Variants in ECT2 observed in about 807,000 individuals in gnomAD.
The protein encoded by ECT2 is protein ECT2.
ECT2 carries 61 observed loss-of-function variants against 116.9 expected under a neutral mutation model. The ratio of observed to expected loss-of-function variants is 0.52; its 90% CI spans 0.42 to 0.65. ECT2 has a LOEUF of 0.65. Ranked by LOEUF, ECT2 falls within the 30% of genes least tolerant of loss-of-function variation. ECT2 has a pLI of 0.00. For missense variants in ECT2, 937 were observed against 1,078.7 expected (o/e 0.87, Z 1.84); for synonymous variants, 358 against 346.4 (o/e 1.03, Z -0.37).
chr3:172,773,141 C>A (rs527369886), intron 13 of ECT2, among the ~76,000 whole-genome samples: 5 of 152,108 alleles, frequency 3.3e-5, no homozygotes, highest in Non-Finnish European at 7.4e-5. Context: ...GACATTCTTA[C>A]TGTGTTGATT....
At chr3:172,789,576 C>T (rs1186910073) in intron 18 of ECT2, among the ~76,000 whole-genome samples, 3 of 152,180 alleles carry the variant, frequency 2.0e-5, no homozygotes, top group Non-Finnish European at 4.4e-5. Context: ...AATGATTTCT[C>T]TGTAGCATGC....
intron 22 of ECT2, among the ~76,000 whole-genome samples, chr3:172,810,233 T>C (rs189908907): frequency 8.5e-5 from 13 of 152,288 alleles, no homozygotes; most frequent in Admixed American, 2.0e-4. Flanking sequence ...GATAATTAAA[T>C]GCCATGTGCT....
chr3:172,810,628 G>A (rs1728601534), intron 22 of ECT2, among the ~76,000 whole-genome samples: 2 of 152,246 alleles, frequency 1.3e-5, no homozygotes, highest in South Asian at 4.2e-4. Flanking sequence ...CTGAGGCACA[G>A]GCTAAAGGGA....
Position 172,820,283 on chromosome 3 carries a change from A to G in ECT2, c.*46A>G. On this transcript the variant is annotated 3_prime_UTR_variant, in exon 25 of 25. Coordinates refer to ENST00000392692, the MANE Select transcript of ECT2 (RefSeq NM_001258315.2). Reference sequence around the variant, plus strand: ...TTATAGAAATGTATAGACACCTCATACTCAAATAAGAAACTGACTTAAATG... The same window carrying G: ...TTATAGAAATGTATAGACACCTCATGCTCAAATAAGAAACTGACTTAAATG... 1 of 1,383,954 alleles carries G rather than the reference A, an allele frequency of 7.2e-7. No individual in the cohort carries two copies. The allele number at this position is 1,383,954 out of a possible 1,614,324, so 85.7% of individuals were successfully genotyped here. A position where few individuals can be genotyped will look rare whatever the true frequency, so the allele number is the denominator to read the frequency against.
Position 172,759,107 on chromosome 3 carries a change from C to T in ECT2, c.576+38C>T, listed in dbSNP as rs116639883. On this transcript the variant is annotated intron_variant, in intron 6 of 24. Coordinates refer to ENST00000392692, the MANE Select transcript of ECT2 (RefSeq NM_001258315.2). The stretch of plus-strand genomic sequence containing the variant: ...AAACAAATTCAAAGCGTATTTTTTA[C>T]AGCAAAATAAATTAAAATTGGCTTT... The T allele has an allele frequency of 1.4e-3, 1,980 of 1,411,270 alleles. 20 individuals are homozygous for T. In the African/African-American group the frequency reaches 0.025, roughly 18 times the overall value. The allele number at this position is 1,411,270 out of a possible 1,614,324, so 87.4% of individuals were successfully genotyped here.
intron 18 of ECT2, among the ~76,000 whole-genome samples, chr3:172,796,908 C>T (rs1200055928): frequency 1.3e-5 from 2 of 152,178 alleles, no homozygotes; most frequent in African/African-American, 4.8e-5. Context: ...ATCCTCTCAC[C>T]TCAGCCTCCC....
chr3:172,792,455 T>G (rs1724856615), intron 18 of ECT2, among the ~76,000 whole-genome samples: 1 of 151,746 alleles, frequency 6.6e-6, no homozygotes, highest in Non-Finnish European at 1.5e-5. Flanking sequence ...ATCTGGCTTT[T>G]TTTTTTTTTT....
At chr3:172,760,881 C>T (rs771438870) in intron 7 of ECT2, among the ~76,000 whole-genome samples, 3 of 151,534 alleles carry the variant, frequency 2.0e-5, no homozygotes, top group East Asian at 1.9e-4. Context: ...CCACCATGCC[C>T]GGCTAATTTT....
Position 172,755,591 on chromosome 3 carries a change from T to C in ECT2, c.303+16T>C. On this transcript the variant is annotated intron_variant, in intron 4 of 24. Transcript: ENST00000392692. ...TATTAATATGGTAGGTCAAAGTAAC[T>C]CATTGCATGTGGCATGCTGCACTTC... 1 of 1,281,802 alleles carries C rather than the reference T, an allele frequency of 7.8e-7. No individual in the cohort carries two copies. Among genetic ancestry groups the C allele is most frequent in the Non-Finnish European group, 1.1e-6 (1 of 938,978 alleles). 79.4% of individuals were successfully genotyped at this position (1,281,802 alleles called of 1,614,324 possible). A position where few individuals can be genotyped will look rare whatever the true frequency, so the allele number is the denominator to read the frequency against.
Position 172,776,206 on chromosome 3 carries a change from T to A in ECT2, c.1548+2184T>A, listed in dbSNP as rs1259676585. Among the ~76,000 whole-genome samples the A allele has an allele frequency of 4.7e-5, 6 of 128,692 alleles. No individual in the cohort carries two copies. The East Asian group carries it at 9.9e-4, about 21-fold the overall frequency. The allele number at this position is 128,692 out of a possible 152,430, so 84.4% of individuals were successfully genotyped here. On this transcript the variant is annotated intron_variant, in intron 14 of 24. Coordinates refer to ENST00000392692, the MANE Select transcript of ECT2 (RefSeq NM_001258315.2). ...TAGTTTTTCAGTTTTTTCTTTTTTTTTTTTTTTTTTTTTTTGTCATCTAGG... is the reference window on the plus strand; with the variant it reads ...TAGTTTTTCAGTTTTTTCTTTTTTTATTTTTTTTTTTTTTTGTCATCTAGG...
At chr3:172,798,134 G>A (rs1052285795) in intron 18 of ECT2, among the ~76,000 whole-genome samples, 2 of 152,100 alleles carry the variant, frequency 1.3e-5, no homozygotes, top group African/African-American at 2.4e-5. Context: ...GATAAGTTGT[G>A]TAAAAGACAT....
chr3:172,829,019 G>C, the ECT2 span: 5 of 880,696 alleles, frequency 5.7e-6, no homozygotes, highest in African/African-American at 1.6e-5. Context: ...TGGAACTCCT[G>C]TCTGGCCACC....
At chr3:172,765,453 A>G (rs565972243) in intron 12 of ECT2, among the ~76,000 whole-genome samples, 1 of 152,222 alleles carries the variant, frequency 6.6e-6, no homozygotes, top group East Asian at 1.9e-4. Context: ...CTGTCAAGCT[A>G]CCTACTTTGT....
chr3:172,770,412 T>G (rs1720391199), intron 13 of ECT2, among the ~76,000 whole-genome samples: 1 of 152,238 alleles, frequency 6.6e-6, no homozygotes, highest in African/African-American at 2.4e-5. Flanking sequence ...ATTATTAGAC[T>G]GGAGAAAGTT....
At chr3:172,800,811 G>T (rs1043118518) in intron 18 of ECT2, among the ~76,000 whole-genome samples, 2 of 152,046 alleles carry the variant, frequency 1.3e-5, no homozygotes, top group South Asian at 4.2e-4. Flanking sequence ...AAGTGTTGCC[G>T]CCTTATATAT....
intron 18 of ECT2, among the ~76,000 whole-genome samples, chr3:172,794,800 C>T (rs946494502): frequency 3.9e-5 from 6 of 152,076 alleles, no homozygotes; most frequent in East Asian, 1.9e-4. Context: ...CTGCAATCTC[C>T]GCCTCCCGGG....
At chr3:172,758,468 T>TACACACACACACAC (rs138087804) in intron 5 of ECT2, among the ~76,000 whole-genome samples, 6,696 of 150,950 alleles carry the variant, frequency 0.044, 468 homozygotes, top group African/African-American at 0.15. Context: ...TTCTCTTTTA[T>TACACACACACACAC]ACACACACAC....
chr3:172,803,616 C>T lies in ECT2; in HGVS notation c.2106+636C>T, dbSNP rs572779038. ...CAGTAGTGAGGGATAAAAAGAAGTG[C>T]GGTTTTCCTTCATCTCAGAAGAGAA... On this transcript the variant is annotated intron_variant, in intron 20 of 24. Coordinates refer to ENST00000392692, the MANE Select transcript of ECT2 (RefSeq NM_001258315.2). Among the ~76,000 whole-genome samples, 282 of 152,102 alleles carry T rather than the reference C, an allele frequency of 1.9e-3. 1 individual carries two copies. Among genetic ancestry groups the T allele is most frequent in the Non-Finnish European group, 3.0e-3 (204 of 67,978 alleles).
At chr3:172,764,231 G>T (rs1205982817) in intron 11 of ECT2, 47 bp from the exon 12 acceptor site, 2 of 1,533,242 alleles carry the variant, frequency 1.3e-6, no homozygotes, top group African/African-American at 2.7e-5. Context: ...TCCTGTCTCA[G>T]TAAAGAACCA....
Sources: gnomAD v4.1 joint callset for allele counts (sites outside exome capture counted in the v4.1 genomes callset) on GRCh38, gnomAD v4.1.1 for gene constraint, MANE v1.5 for transcripts, NCBI Gene and HGNC (gene_info 2026-07-23, HGNC 2026-07-21) for gene names.